The following NF1 variants were observed in gnomAD, a reference collection of about 807,000 sequenced individuals.
NF1 encodes neurofibromin 1.
NF1 carries 122 observed loss-of-function variants against 325.7 expected under a neutral mutation model. The ratio of observed to expected loss-of-function variants is 0.37; its 90% confidence interval spans 0.32 to 0.44. The LOEUF is 0.44. Among genes scored for constraint, NF1 ranks in the 20% least tolerant of loss-of-function variants. The pLI, the probability that NF1 is intolerant of heterozygous loss-of-function variation, is 1.00. For synonymous variants in NF1, 1,091 were observed against 1,186.0 expected (o/e 0.92, Z 1.65); for missense variants, 2,140 against 3,415.4 (o/e 0.63, Z 9.31).
intron 1 of NF1, among the ~76,000 whole-genome samples, chr17:31,117,523 A>C (rs111596100): frequency 6.0e-5 from 9 of 151,080 alleles, no homozygotes; most frequent in African/African-American, 1.9e-4. Context: ...TACAAAAAAA[A>C]TTAGCTGGGC....
intron 1 of NF1, among the ~76,000 whole-genome samples, chr17:31,145,655 TG>T (rs973820700): frequency 6.6e-6 from 1 of 152,094 alleles, no homozygotes; most frequent in Non-Finnish European, 1.5e-5. Context: ...AGTAGGAGCC[TG>T]GGGGGCCTAA....
chr17:31,169,228 G>A (rs1275374481), intron 4 of NF1, among the ~76,000 whole-genome samples: 1 of 152,080 alleles, frequency 6.6e-6, no homozygotes, highest in African/African-American at 2.4e-5. Context: ...ATAGTTTCCT[G>A]TTTTCAAGCC....
At chr17:31,349,283 G>A (rs2151573084) in intron 49 of NF1, 32 bp downstream of exon 49, 2 of 1,603,646 alleles carry the variant, frequency 1.2e-6, no homozygotes, top group Non-Finnish European at 1.7e-6. Flanking sequence ...AATTAATCTT[G>A]CTACATCTAT....
chr17:31,278,285 A>T (rs1417470097), intron 36 of NF1: 1 of 152,076 alleles, frequency 6.6e-6, no homozygotes, highest in African/African-American at 2.4e-5. Flanking sequence ...GATGAGAATG[A>T]TCATAAATTT....
At chr17:31,216,711 CA>C (rs958199083) in intron 13 of NF1, among the ~76,000 whole-genome samples, 1 of 152,020 alleles carries the variant, frequency 6.6e-6, no homozygotes, top group Non-Finnish European at 1.5e-5. Flanking sequence ...GACCAAACTC[CA>C]AATAGATCTA....
chr17:31,116,212 G>A (rs577970867), intron 1 of NF1, among the ~76,000 whole-genome samples: 9 of 151,920 alleles, frequency 5.9e-5, no homozygotes, highest in African/African-American at 1.5e-4. Context: ...AGATTGACTC[G>A]GTATACTTTA....
chr17:31,214,729 T>G, intron 13 of NF1, 144 bp downstream of exon 13: 2 of 662,302 alleles, frequency 3.0e-6, no homozygotes, highest in Non-Finnish European at 2.6e-6. Context: ...AAGACGTCTC[T>G]AAGAAAACTA....
intron 30 of NF1, chr17:31,251,821 G>T (rs1038724364): frequency 7.1e-5 from 15 of 211,254 alleles, no homozygotes; most frequent in Non-Finnish European, 1.2e-4. Context: ...TATTTGACCT[G>T]TAGGTACACA....
rs868269838 is a variant in NF1, at chr17:31,337,352, C to G, written c.6428-16C>G. 2 of 1,588,752 alleles carry G rather than the reference C, an allele frequency of 1.3e-6. No homozygotes were observed. The highest frequency in any genetic ancestry group is 3.5e-4 in the Middle Eastern group (2 of 5,760). On this transcript the variant is annotated splice_polypyrimidine_tract_variant and intron_variant, in intron 42 of 57. Coordinates refer to ENST00000358273, the MANE Select transcript of NF1 (RefSeq NM_001042492.3). ...TAATATTTTCTGTCTTTACTTGTTCCTTTATTCTCTTACAGAAGAGACCAA... is the reference window on the plus strand; with the variant it reads ...TAATATTTTCTGTCTTTACTTGTTCGTTTATTCTCTTACAGAAGAGACCAA...
intron 1 of NF1, among the ~76,000 whole-genome samples, chr17:31,119,927 T>G (rs1317863343): frequency 6.6e-6 from 1 of 152,160 alleles, no homozygotes; most frequent in Non-Finnish European, 1.5e-5. Flanking sequence ...TATAGATGTG[T>G]GGTGTTATTT....
intron 29 of NF1, among the ~76,000 whole-genome samples, chr17:31,237,009 C>T (rs928868158): frequency 3.3e-5 from 5 of 152,092 alleles, no homozygotes; most frequent in Non-Finnish European, 5.9e-5. Flanking sequence ...TGAATTTTAA[C>T]GGAATATCTT....
At chr17:31,348,880 G>A (rs1254522832) in intron 48 of NF1, among the ~76,000 whole-genome samples, 1 of 151,910 alleles carries the variant, frequency 6.6e-6, no homozygotes, top group Non-Finnish European at 1.5e-5. Flanking sequence ...TCTTCCTGGA[G>A]TACTGTAGAG....
At chr17:31,206,641 T>C (rs1241272639) in intron 12 of NF1, among the ~76,000 whole-genome samples, 2 of 152,180 alleles carry the variant, frequency 1.3e-5, no homozygotes, top group Non-Finnish European at 2.9e-5. Flanking sequence ...TTTTTTCTGT[T>C]TTTAAAGTTT....
At chr17:31,229,694 G>A in intron 21 of NF1, 141 bp from the exon 22 acceptor site, 1 of 1,116,910 alleles carries the variant, frequency 9.0e-7, no homozygotes, top group Non-Finnish European at 1.4e-6. Flanking sequence ...ACGAGTGTCT[G>A]CGTATATCTG....
chr17:31,243,797 G>A (rs778216967), intron 29 of NF1, among the ~76,000 whole-genome samples: 4 of 151,868 alleles, frequency 2.6e-5, no homozygotes, highest in Admixed American at 6.6e-5. Context: ...CCTACTTAGT[G>A]CCCTACCCCA....
At chr17:31,289,720 A>G (rs1210440166) in intron 36 of NF1, among the ~76,000 whole-genome samples, 1 of 152,078 alleles carries the variant, frequency 6.6e-6, no homozygotes, top group African/African-American at 2.4e-5. Context: ...GTGGATATTT[A>G]TTGTTGTTTC....
At chr17:31,191,912 T>G (rs2066348796) in intron 8 of NF1, among the ~76,000 whole-genome samples, 1 of 152,214 alleles carries the variant, frequency 6.6e-6, no homozygotes, top group South Asian at 2.1e-4. Context: ...ATGTTTTCTT[T>G]TGCAGGTGCC....
At chr17:31,342,396 G>A (rs769661119) in intron 47 of NF1, among the ~76,000 whole-genome samples, 2 of 152,086 alleles carry the variant, frequency 1.3e-5, no homozygotes, top group Non-Finnish European at 2.9e-5. Flanking sequence ...TTAGGAGTTC[G>A]AGACCAGCCT....
chr17:31,124,592 A>AT (rs35335433), intron 1 of NF1, among the ~76,000 whole-genome samples: 22,763 of 63,058 alleles, frequency 0.36, 5,661 homozygotes, highest in Middle Eastern at 0.53. Context: ...GTATTCTTGA[A>AT]TTTTTTTTTT....
Sources: gnomAD v4.1 joint callset for allele counts (sites outside exome capture counted in the v4.1 genomes callset) on GRCh38, gnomAD v4.1.1 for gene constraint, MANE v1.5 for transcripts, NCBI Gene and HGNC (gene_info 2026-07-23, HGNC 2026-07-21) for gene names.